The following ENAH variants were observed in gnomAD, a reference collection of about 807,000 sequenced individuals.
ENAH encodes protein enabled homolog.
ENAH carries 23 observed loss-of-function variants against 78.7 expected under a neutral mutation model. That is an observed-to-expected ratio of 0.29 (90% confidence interval 0.21 to 0.41). ENAH has a LOEUF of 0.41. ENAH is among the 10% of genes least tolerant of loss of function. The pLI is 1.00. For missense variants in ENAH, 544 were observed against 691.0 expected (o/e 0.79, Z 2.39); for synonymous variants, 226 against 241.0 (o/e 0.94, Z 0.58).
chr1:225,490,243 T>G lies in ENAH; in HGVS notation c.*7532A>C, dbSNP rs1477848713. ...CCAACAAGGTGGCAAAGACATGGACTCAATAACAATTTTTACCATGTTTTC... is the reference window on the plus strand; with the variant it reads ...CCAACAAGGTGGCAAAGACATGGACGCAATAACAATTTTTACCATGTTTTC... On this transcript the variant is annotated 3_prime_UTR_variant, in exon 14 of 14. Transcript: ENST00000366843. 1.3e-5 allele frequency: 2 copies of G among 152,150 alleles called. No homozygotes were observed. The highest frequency in any genetic ancestry group is 4.8e-5 in the African/African-American group (2 of 41,426). 9.4% of individuals were successfully genotyped at this position (152,150 alleles called of 1,614,324 possible). A position where few individuals can be genotyped will look rare whatever the true frequency, so the allele number is the denominator to read the frequency against.
At chr1:225,571,802 T>C (rs1251699661) in intron 1 of ENAH, among the ~76,000 whole-genome samples, 1 of 152,132 alleles carries the variant, frequency 6.6e-6, no homozygotes, top group Admixed American at 6.6e-5. Context: ...GGCTTCCAGG[T>C]TGATCAACAT....
intron 1 of ENAH, among the ~76,000 whole-genome samples, chr1:225,627,163 G>C (rs76774666): frequency 6.6e-6 from 1 of 152,066 alleles, no homozygotes; most frequent in Non-Finnish European, 1.5e-5. Context: ...AGCCCCCTGC[G>C]TTATTTTTAT....
At chr1:225,559,128 T>C (rs1013050694) in intron 2 of ENAH, among the ~76,000 whole-genome samples, 9 of 152,254 alleles carry the variant, frequency 5.9e-5, no homozygotes, top group African/African-American at 2.2e-4. Flanking sequence ...TTAGTGTTAA[T>C]ATGTGGCATG....
At chr1:225,555,319 G>A (rs1009835643) in intron 2 of ENAH, among the ~76,000 whole-genome samples, 1 of 152,152 alleles carries the variant, frequency 6.6e-6, no homozygotes, top group South Asian at 2.1e-4. Flanking sequence ...GGTGGCTCAC[G>A]CCTGTAATCC....
intron 4 of ENAH, among the ~76,000 whole-genome samples, chr1:225,527,533 T>TA (rs975658026): frequency 3.9e-5 from 6 of 152,210 alleles, no homozygotes; most frequent in Non-Finnish European, 5.9e-5. Context: ...GTAGATATTT[T>TA]AGAGTTTTGT....
intron 8 of ENAH, 65 bp downstream of exon 8, chr1:225,512,806 T>C (rs1193485790): frequency 6.2e-6 from 10 of 1,608,628 alleles, no homozygotes; most frequent in Non-Finnish European, 8.5e-6. Context: ...TCTAGTTAGT[T>C]GTATTTGGAA....
chr1:225,513,633 A>T (rs1371879756), intron 7 of ENAH, among the ~76,000 whole-genome samples: 1 of 152,128 alleles, frequency 6.6e-6, no homozygotes, highest in Non-Finnish European at 1.5e-5. Flanking sequence ...TATAAAATTC[A>T]CACTGAGGTA....
intron 1 of ENAH, among the ~76,000 whole-genome samples, chr1:225,598,328 A>C (rs1346204211): frequency 6.6e-6 from 1 of 152,116 alleles, no homozygotes; most frequent in Admixed American, 6.5e-5. Flanking sequence ...GAAAGTGAGA[A>C]AGAAGGAATG....
At chr1:225,595,668 A>G (rs778733389) in intron 1 of ENAH, among the ~76,000 whole-genome samples, 1 of 152,234 alleles carries the variant, frequency 6.6e-6, no homozygotes, top group Non-Finnish European at 1.5e-5. Context: ...TCATGATCCT[A>G]CTGCTCCAAG....
chr1:225,617,072 C>A (rs536211287), intron 1 of ENAH, among the ~76,000 whole-genome samples: 1 of 151,074 alleles, frequency 6.6e-6, no homozygotes, highest in Non-Finnish European at 1.5e-5. Flanking sequence ...GCACTCCAGC[C>A]GGGGCAACAC....
intron 4 of ENAH, among the ~76,000 whole-genome samples, chr1:225,525,738 CAGAAG>C (rs1283590846): frequency 6.6e-6 from 1 of 152,174 alleles, no homozygotes; most frequent in African/African-American, 2.4e-5. Context: ...GGAAGTTGTG[CAGAAG>C]AGGAGATTTT....
At chr1:225,616,027 AC>A (rs938959954) in intron 1 of ENAH, among the ~76,000 whole-genome samples, 1 of 152,108 alleles carries the variant, frequency 6.6e-6, no homozygotes, top group African/African-American at 2.4e-5. Flanking sequence ...CTATAACCTT[AC>A]CCCCAACCCC....
intron 3 of ENAH, among the ~76,000 whole-genome samples, chr1:225,542,093 G>A (rs1269358599): frequency 6.6e-6 from 1 of 152,144 alleles, no homozygotes; most frequent in East Asian, 1.9e-4. Context: ...TGTTGCCCAA[G>A]CTGGTCTTAA....
intron 11 of ENAH, among the ~76,000 whole-genome samples, chr1:225,506,116 C>T (rs1230497890): frequency 6.6e-6 from 1 of 152,156 alleles, no homozygotes; most frequent in Non-Finnish European, 1.5e-5. Flanking sequence ...TCGTCCATGT[C>T]CCTTCTAAGA....
chr1:225,530,572 T>C lies in ENAH; in HGVS notation c.416A>G (p.Glu139Gly). 1 of 1,613,298 alleles carries C rather than the reference T, an allele frequency of 6.2e-7. No homozygotes were observed. The highest frequency in any genetic ancestry group is 8.5e-7 in the Non-Finnish European group (1 of 1,179,368). Residue 139 changes from glutamate to glycine, a missense_variant, in exon 4 of 14, where the codon GAA becomes GGA. This residue lies in a region of ENAH where 366 missense variants were observed against 396.1 expected (regional missense o/e 0.92). Coordinates refer to ENST00000366843, the MANE Select transcript of ENAH (RefSeq NM_018212.6). The stretch of plus-strand genomic sequence containing the variant: ...AATTTACCTTCTTTGAATTTCCAAT[T>C]CTTCTTGGGATGGGCCATTTTGAAC... Reference protein sequence around the residue: ...AQVQNGPSQEELEIQRRQLQE... With the variant: ...AQVQNGPSQEGLEIQRRQLQE...
upstream of ENAH, chr1:225,653,173 C>T (rs1663373020): frequency 6.6e-6 from 1 of 150,832 alleles, no homozygotes; most frequent in African/African-American, 2.4e-5. This position sits in a 1 kb window ranked among gnomAD's most constrained non-coding sequence, Gnocchi z 4.3. Flanking sequence ...GGCGGAGGAA[C>T]ACGCAGGCGC....
intron 1 of ENAH, among the ~76,000 whole-genome samples, chr1:225,637,524 T>A (rs1296528836): frequency 6.6e-6 from 1 of 151,834 alleles, no homozygotes; most frequent in East Asian, 1.9e-4. Context: ...CAGGAGAAAG[T>A]TTAGACAGGA....
At chr1:225,519,084 T>C (rs988121004) in intron 5 of ENAH, 114 bp downstream of exon 5, 16 of 1,453,110 alleles carry the variant, frequency 1.1e-5, no homozygotes, top group East Asian at 2.3e-5. Context: ...TAATTTCAAA[T>C]TGTATGGCTT....
At chr1:225,632,280 C>T (rs1446515150) in intron 1 of ENAH, among the ~76,000 whole-genome samples, 1 of 152,144 alleles carries the variant, frequency 6.6e-6, no homozygotes, top group African/African-American at 2.4e-5. Flanking sequence ...GGGCAGATCA[C>T]CTGAGGTCAG....
Sources: allele counts gnomAD v4.1 joint callset (sites outside exome capture counted in the v4.1 genomes callset), GRCh38; gene constraint gnomAD v4.1.1; regional missense constraint gnomAD v4.1.1; non-coding constraint Gnocchi (gnomAD v3.1); transcripts MANE v1.5; gene names NCBI Gene and HGNC (gene_info 2026-07-23, HGNC 2026-07-21).